The following ACSL4 variants were observed in gnomAD, a reference collection of about 807,000 sequenced individuals.
ACSL4 encodes the protein acyl-CoA synthetase long chain family member 4, also known as long-chain-fatty-acid--CoA ligase 4.
ACSL4 carries 9 observed loss-of-function variants against 49.1 expected under a neutral mutation model. The observed-to-expected ratio is 0.18, with a 90% confidence interval of 0.11 to 0.32. The LOEUF (loss-of-function observed/expected upper bound fraction) is 0.32. Ranked by LOEUF, ACSL4 falls within the 10% of genes least tolerant of loss-of-function variation. The pLI is 1.00. For synonymous variants in ACSL4, 191 were observed against 170.3 expected, an observed-to-expected ratio of 1.12 and a Z score of -0.95; for missense variants, 333 against 493.7, an observed-to-expected ratio of 0.67 and a Z score of 3.08.
At chrX:109,644,730 A>G (rs5985752) in intron 15 of ACSL4, among the ~76,000 whole-genome samples, 1,915 of 112,364 alleles carry the variant, frequency 0.017, 34 homozygotes, top group East Asian at 0.065. Context: ...CCTGAGCGAC[A>G]CAGAAGACGG....
At chrX:109,727,473 A>C (rs1928090107) in intron 1 of ACSL4, among the ~76,000 whole-genome samples, 1 of 111,712 alleles carries the variant, frequency 9.0e-6, no homozygotes, top group African/African-American at 3.3e-5. Context: ...ATTCACATTC[A>C]CATTTAAATA....
chrX:109,715,134 A>G (rs1927027970), intron 1 of ACSL4, among the ~76,000 whole-genome samples: 1 of 112,077 alleles, frequency 8.9e-6, no homozygotes, highest in South Asian at 3.6e-4. Context: ...TTTTATATAC[A>G]TACGTTTTCT....
intron 14 of ACSL4, among the ~76,000 whole-genome samples, chrX:109,659,850 A>T (rs1207678327): frequency 9.0e-6 from 1 of 111,424 alleles, no homozygotes; most frequent in Non-Finnish European, 1.9e-5. Flanking sequence ...TCACCTTACA[A>T]CATATACAAA....
At chrX:109,690,364 A>G (rs2147467016) in intron 2 of ACSL4, among the ~76,000 whole-genome samples, 1 of 112,202 alleles carries the variant, frequency 8.9e-6, no homozygotes, top group Admixed American at 9.5e-5. Flanking sequence ...CATTATCTTC[A>G]GTCATTGGAT....
intron 2 of ACSL4, chrX:109,695,736 T>G (rs973766684): frequency 9.0e-6 from 1 of 110,663 alleles, no homozygotes; most frequent in Non-Finnish European, 1.9e-5. Context: ...AACCCCTGAT[T>G]GTGCACTTAC....
intron 1 of ACSL4, among the ~76,000 whole-genome samples, chrX:109,731,102 ATTAT>A (rs1397535931): frequency 3.6e-5 from 4 of 111,833 alleles, no homozygotes; most frequent in East Asian, 5.6e-4. Flanking sequence ...TTCACATATA[ATTAT>A]TTATTTAATC....
At chrX:109,710,107 A>AAAAAT (rs1365690880) in intron 1 of ACSL4, among the ~76,000 whole-genome samples, 2 of 112,006 alleles carry the variant, frequency 1.8e-5, no homozygotes, top group Non-Finnish European at 3.8e-5. Context: ...CTCTGTCTCA[A>AAAAAT]AAAATAAAAT....
At chrX:109,714,174 G>C (rs973609492) in intron 1 of ACSL4, among the ~76,000 whole-genome samples, 2 of 111,487 alleles carry the variant, frequency 1.8e-5, no homozygotes, top group Non-Finnish European at 3.8e-5. Flanking sequence ...TTAGTTTTTT[G>C]TTTTTGTTTT....
chrX:109,704,876 T>C (rs1449375520), intron 1 of ACSL4, among the ~76,000 whole-genome samples: 3 of 111,159 alleles, frequency 2.7e-5, no homozygotes, highest in African/African-American at 3.3e-5. Context: ...CAATACTGCA[T>C]TGTGTATTTT....
At chrX:109,699,026 T>A (rs1034951103) in intron 1 of ACSL4, among the ~76,000 whole-genome samples, 1 of 112,702 alleles carries the variant, frequency 8.9e-6, no homozygotes, top group African/African-American at 3.2e-5. Context: ...AAAATCGATC[T>A]TAATAAGTTT....
intron 15 of ACSL4, among the ~76,000 whole-genome samples, chrX:109,645,989 C>T (rs914848538): frequency 6.3e-5 from 7 of 111,485 alleles, no homozygotes; most frequent in South Asian, 3.7e-4. Context: ...TAAAAAGAAA[C>T]GAGCAAAGCC....
intron 10 of ACSL4, 48 bp downstream of exon 10, chrX:109,668,986 T>A: frequency 9.0e-7 from 1 of 1,113,671 alleles, no homozygotes; most frequent in Non-Finnish European, 1.2e-6. Flanking sequence ...TTTAAAAGCA[T>A]AAAAAAATTT....
intron 1 of ACSL4, among the ~76,000 whole-genome samples, chrX:109,699,252 A>G (rs1182467858): frequency 1.8e-5 from 2 of 111,830 alleles, no homozygotes; most frequent in Non-Finnish European, 3.8e-5. Context: ...CTATTAACCC[A>G]GCTACGGGGG....
chrX:109,676,874 G>T (rs1233293078), intron 8 of ACSL4, among the ~76,000 whole-genome samples: 1 of 112,045 alleles, frequency 8.9e-6, no homozygotes, highest in Non-Finnish European at 1.9e-5. Context: ...TATCTTTGCT[G>T]CCTAATATGG....
chrX:109,663,452 A>C, intron 12 of ACSL4, 50 bp from the exon 13 acceptor site: 1 of 1,083,975 alleles, frequency 9.2e-7, no homozygotes, highest in Non-Finnish European at 1.3e-6. Flanking sequence ...AAATTTCATT[A>C]ATTCTTAAAG....
chrX:109,682,191 A>G (rs1417099000), intron 4 of ACSL4, among the ~76,000 whole-genome samples: 1 of 111,963 alleles, frequency 8.9e-6, no homozygotes, highest in Non-Finnish European at 1.9e-5. Context: ...TTAGTATGTG[A>G]CAATACATTG....
In ACSL4 at chrX:109,690,760, G is replaced by C. The variant is rs771434157; in HGVS notation, c.-13+5384C>G. Among the ~76,000 whole-genome samples, 765 of 92,095 alleles carry C rather than the reference G, an allele frequency of 8.3e-3. 6 individuals are homozygous for C. The highest frequency in any genetic ancestry group is 0.028 in the South Asian group (45 of 1,597). 80.0% of individuals were successfully genotyped at this position (92,095 alleles called of 115,157 possible). On this transcript the variant is annotated intron_variant, in intron 2 of 15. Transcript: ENST00000672401. ...TGTCCTACATCCTAAGACATTTTAG[G>C]GGGGGGGGGCCTCTATAGATGTCCA... is the stretch of plus-strand genomic sequence containing the variant.
chrX:109,703,218 C>G (rs1165972740), intron 1 of ACSL4, among the ~76,000 whole-genome samples: 1 of 112,053 alleles, frequency 8.9e-6, no homozygotes, highest in East Asian at 2.8e-4. Flanking sequence ...ACATCTATAT[C>G]ATGTAAGCCC....
chrX:109,683,852 T>C (rs1212093483), intron 2 of ACSL4, among the ~76,000 whole-genome samples: 1 of 112,713 alleles, frequency 8.9e-6, no homozygotes, highest in Non-Finnish European at 1.9e-5. Context: ...ATTTTCCATT[T>C]GTAATCATTA....
Sources: gnomAD v4.1 joint callset for allele counts (sites outside exome capture counted in the v4.1 genomes callset) on GRCh38, gnomAD v4.1.1 for gene constraint, MANE v1.5 for transcripts, NCBI Gene and HGNC (gene_info 2026-07-23, HGNC 2026-07-21) for gene names.